Variants in GFRA1 observed in about 807,000 individuals in gnomAD.
GFRA1 encodes the protein GDNF family receptor alpha 1.
In GFRA1, 16 loss-of-function variants were observed where a neutral mutation model predicts 51.6. The ratio of observed to expected loss-of-function variants is 0.31; its 90% CI spans 0.21 to 0.47. GFRA1 has a LOEUF of 0.47. Ranked by LOEUF, GFRA1 falls within the 20% of genes least tolerant of loss-of-function variation. The pLI, the probability that GFRA1 is intolerant of heterozygous loss-of-function variation, is 1.00. For synonymous variants in GFRA1, 270 were observed against 241.3 expected, an observed-to-expected ratio of 1.12 and a Z score of -1.10; for missense variants, 530 against 594.3, an observed-to-expected ratio of 0.89 and a Z score of 1.13.
At chr10:116,106,053 G>A (rs776808306) in intron 6 of GFRA1, among the ~76,000 whole-genome samples, 2 of 152,126 alleles carry the variant, frequency 1.3e-5, no homozygotes, top group African/African-American at 4.8e-5. Flanking sequence ...GGGTGTCATC[G>A]TGATGTCATG....
At chr10:116,074,844 TCAGGGGAA>T (rs1565555352) in intron 9 of GFRA1, among the ~76,000 whole-genome samples, 1 of 152,190 alleles carries the variant, frequency 6.6e-6, no homozygotes, top group Non-Finnish European at 1.5e-5. Context: ...AACCTATTAT[TCAGGGGAA>T]CATGGTTGGC....
intron 9 of GFRA1, among the ~76,000 whole-genome samples, chr10:116,071,180 T>C (rs1443380932): frequency 6.6e-6 from 1 of 152,138 alleles, no homozygotes; most frequent in East Asian, 1.9e-4. Context: ...TGGGCAAGCG[T>C]GCTTCTGAGA....
chr10:116,218,469 A>C (rs1218651643), intron 4 of GFRA1, among the ~76,000 whole-genome samples: 1 of 152,206 alleles, frequency 6.6e-6, no homozygotes, highest in Admixed American at 6.5e-5. Flanking sequence ...GAGCACAACA[A>C]ACCACTGAAG....
At chr10:116,218,200 C>A (rs1965690685) in intron 4 of GFRA1, among the ~76,000 whole-genome samples, 2 of 152,172 alleles carry the variant, frequency 1.3e-5, no homozygotes, top group African/African-American at 4.8e-5. Flanking sequence ...ACCACTCATT[C>A]CTTTAACACT....
chr10:116,133,291 C>T (rs920185326), intron 5 of GFRA1, among the ~76,000 whole-genome samples: 8 of 152,060 alleles, frequency 5.3e-5, no homozygotes, highest in African/African-American at 9.7e-5. Flanking sequence ...TTGCAGGTTA[C>T]GTATTGCTTT....
intron 5 of GFRA1, among the ~76,000 whole-genome samples, chr10:116,187,149 A>C (rs1162698248): frequency 1.3e-5 from 2 of 152,254 alleles, no homozygotes; most frequent in Non-Finnish European, 2.9e-5. Flanking sequence ...GAAAAAAATG[A>C]TGAATGCAAT....
chr10:116,122,668 G>T (rs371172001), intron 6 of GFRA1, among the ~76,000 whole-genome samples: 1 of 152,128 alleles, frequency 6.6e-6, no homozygotes, highest in East Asian at 1.9e-4. Context: ...CTCAATATGG[G>T]CTTTCTCAAT....
chr10:116,249,834 A>G (rs530620762), intron 4 of GFRA1, among the ~76,000 whole-genome samples: 1 of 152,174 alleles, frequency 6.6e-6, no homozygotes, highest in Admixed American at 6.5e-5. Context: ...ACAACCTAAC[A>G]TTACAGAAAC....
At chr10:116,073,186 A>T (rs1457790873) in intron 9 of GFRA1, among the ~76,000 whole-genome samples, 1 of 152,128 alleles carries the variant, frequency 6.6e-6, no homozygotes, top group Admixed American at 6.5e-5. Flanking sequence ...AGCACACCAT[A>T]AAAGGATGCC....
At chr10:116,238,854 C>T (rs374271361) in intron 4 of GFRA1, among the ~76,000 whole-genome samples, 1 of 152,116 alleles carries the variant, frequency 6.6e-6, no homozygotes, top group Non-Finnish European at 1.5e-5. Flanking sequence ...TTTTTGCCCA[C>T]GTTGAAAGCT....
chr10:116,074,123 C>G (rs1203320930), intron 9 of GFRA1, among the ~76,000 whole-genome samples: 1 of 152,162 alleles, frequency 6.6e-6, no homozygotes, highest in African/African-American at 2.4e-5. Flanking sequence ...CAAATACACC[C>G]ATCGCTGAAA....
intron 5 of GFRA1, among the ~76,000 whole-genome samples, chr10:116,127,766 C>T (rs4394751): frequency 0.98 from 149,593 of 152,334 alleles, 73,514 homozygotes; most frequent in East Asian, 1. Flanking sequence ...AGACTTCTAA[C>T]ATTTTGCTAT....
chr10:116,082,822 A>G (rs1479748857), intron 9 of GFRA1, among the ~76,000 whole-genome samples: 1 of 152,050 alleles, frequency 6.6e-6, no homozygotes, highest in African/African-American at 2.4e-5. Context: ...CAATCTAAAG[A>G]GCTCCATCGT....
intron 5 of GFRA1, among the ~76,000 whole-genome samples, chr10:116,148,139 T>G (rs1958913965): frequency 3.7e-5 from 5 of 136,284 alleles, no homozygotes; most frequent in African/African-American, 1.5e-4. Context: ...GGGTGGGGGG[T>G]AGGGACTGTT....
intron 5 of GFRA1, among the ~76,000 whole-genome samples, chr10:116,188,212 G>A (rs1313480067): frequency 1.3e-5 from 2 of 152,180 alleles, no homozygotes; most frequent in South Asian, 2.1e-4. Flanking sequence ...GAGACCTGTG[G>A]GATGGGGGGT....
chr10:116,110,393 G>A (rs186849493), intron 6 of GFRA1, among the ~76,000 whole-genome samples: 93 of 152,236 alleles, frequency 6.1e-4, no homozygotes, highest in African/African-American at 2.1e-3. Context: ...CGCCTGCAGG[G>A]CAGCTGGGGT....
rs1296153847 is a variant in GFRA1 at position 116,270,711 on chromosome 10, T to A, written c.334+111A>T. The A allele has an allele frequency of 1.5e-5, 13 of 882,940 alleles. No individual in the cohort carries two copies. The Middle Eastern group carries it at 9.3e-4, about 63-fold the overall frequency. 54.7% of individuals were successfully genotyped at this position (882,940 alleles called of 1,614,324 possible). The stretch of plus-strand genomic sequence containing the variant: ...CTGGGGGCCAAGGAAAGGTCCTCAC[T>A]CTGCAGCTGGGGAGAAGTGAGTGGA... On this transcript the variant is annotated intron_variant, in intron 3 of 10. Coordinates refer to ENST00000355422, the MANE Select transcript of GFRA1 (RefSeq NM_005264.8).
chr10:116,266,695 C>T (rs1969681757), intron 4 of GFRA1, among the ~76,000 whole-genome samples: 1 of 152,182 alleles, frequency 6.6e-6, no homozygotes, highest in South Asian at 2.1e-4. Flanking sequence ...GAAAGCTGGC[C>T]TGCGAATGGG....
intron 4 of GFRA1, among the ~76,000 whole-genome samples, chr10:116,218,164 C>T (rs767721801): frequency 3.9e-5 from 6 of 152,174 alleles, no homozygotes; most frequent in Non-Finnish European, 7.3e-5. Flanking sequence ...GTGCCAGAAA[C>T]CCAAGGCCTG....
Sources: allele counts gnomAD v4.1 joint callset (sites outside exome capture counted in the v4.1 genomes callset), GRCh38; gene constraint gnomAD v4.1.1; transcripts MANE v1.5; gene names NCBI Gene and HGNC (gene_info 2026-07-23, HGNC 2026-07-21).